GNG7: variants seen among roughly 807,000 people sequenced by gnomAD.
The protein encoded by GNG7 is guanine nucleotide-binding protein G(I)/G(S)/G(O) subunit gamma-7.
Under a neutral mutation model 4.0 loss-of-function variants are expected in GNG7, and 1 was observed. The observed-to-expected ratio is 0.25, with a 90% CI of 0.09 to 1.18. GNG7 has a LOEUF of 1.18. Among genes scored for constraint, GNG7 ranks in the 50% most tolerant of loss-of-function variants. The pLI, the probability that GNG7 is intolerant of heterozygous loss-of-function variation, is 0.50. For missense variants in GNG7, 86 were observed against 91.9 expected (o/e 0.94, Z 0.26); for synonymous variants, 34 against 36.9 (o/e 0.92, Z 0.29).
At chr19:2,679,117 A>C (rs969661223) in intron 1 of GNG7, among the ~76,000 whole-genome samples, 1 of 152,152 alleles carries the variant, frequency 6.6e-6, no homozygotes, top group African/African-American at 2.4e-5. Context: ...GTGCAATCAT[A>C]GCTCACTGCA....
At chr19:2,675,746 T>C (rs1983578509) in intron 1 of GNG7, among the ~76,000 whole-genome samples, 1 of 152,008 alleles carries the variant, frequency 6.6e-6, no homozygotes, top group Non-Finnish European at 1.5e-5. Flanking sequence ...GGGGAGCTCC[T>C]GGTATGGAGT....
At chr19:2,641,293 C>T (rs1211445481) in intron 2 of GNG7, among the ~76,000 whole-genome samples, 1 of 152,190 alleles carries the variant, frequency 6.6e-6, no homozygotes, top group Non-Finnish European at 1.5e-5. Context: ...AGCAGGCTCC[C>T]AGCGACAGCC....
At chr19:2,684,795 C>A (rs1450861465) in intron 1 of GNG7, among the ~76,000 whole-genome samples, 1 of 151,938 alleles carries the variant, frequency 6.6e-6, no homozygotes, top group Non-Finnish European at 1.5e-5. Flanking sequence ...TCACGACCAG[C>A]CTGGCCAACA....
chr19:2,554,241 T>A (rs115109200), intron 3 of GNG7, among the ~76,000 whole-genome samples: 5,223 of 148,514 alleles, frequency 0.035, 121 homozygotes, highest in African/African-American at 0.055. Flanking sequence ...AGTCCCATGG[T>A]GCAATCACAA....
At chr19:2,516,140 C>T (rs2144723710) in intron 4 of GNG7, among the ~76,000 whole-genome samples, 1 of 152,032 alleles carries the variant, frequency 6.6e-6, no homozygotes, top group East Asian at 1.9e-4. Flanking sequence ...TTGCTTGAGC[C>T]TGGGAGGTTA....
chr19:2,566,751 G>A (rs940023712), intron 2 of GNG7, among the ~76,000 whole-genome samples: 1 of 152,192 alleles, frequency 6.6e-6, no homozygotes, highest in Non-Finnish European at 1.5e-5. Flanking sequence ...AGGAGAGGCT[G>A]CTGTGGACGA....
chr19:2,619,095 C>G (rs185398986), intron 2 of GNG7, among the ~76,000 whole-genome samples: 51 of 152,312 alleles, frequency 3.3e-4, no homozygotes, highest in African/African-American at 1.1e-3. Context: ...TGAATGAATA[C>G]CTATTTGATT....
At chr19:2,628,965 G>C (rs1243391739) in intron 2 of GNG7, among the ~76,000 whole-genome samples, 1 of 152,210 alleles carries the variant, frequency 6.6e-6, no homozygotes, top group Non-Finnish European at 1.5e-5. Context: ...GATTAGATAA[G>C]ATGTGGGCAC....
At chr19:2,538,730 T>C in intron 3 of GNG7, 1 of 459,830 alleles carries the variant, frequency 2.2e-6, no homozygotes, top group Non-Finnish European at 4.4e-6. Flanking sequence ...GCATTGGAAG[T>C]GCTGATGGCT....
intron 2 of GNG7, among the ~76,000 whole-genome samples, chr19:2,572,480 G>A (rs1038707076): frequency 3.9e-5 from 6 of 151,968 alleles, no homozygotes; most frequent in South Asian, 2.1e-4. Context: ...TCGCCAGGCT[G>A]GAGTGCAGTG....
intron 2 of GNG7, among the ~76,000 whole-genome samples, chr19:2,577,289 C>T (rs1361282440): frequency 6.6e-6 from 1 of 152,200 alleles, no homozygotes; most frequent in Non-Finnish European, 1.5e-5. Context: ...GGGGCTGCGT[C>T]TCATCCAAGG....
At chr19:2,551,202 T>C (rs1201121454) in intron 3 of GNG7, among the ~76,000 whole-genome samples, 1 of 152,228 alleles carries the variant, frequency 6.6e-6, no homozygotes, top group East Asian at 1.9e-4. Context: ...GACCTCACCC[T>C]GGCCGTTTGA....
intron 1 of GNG7, among the ~76,000 whole-genome samples, chr19:2,671,185 C>A (rs1367485576): frequency 1.3e-5 from 2 of 152,112 alleles, no homozygotes; most frequent in East Asian, 3.9e-4. Context: ...AGCTGCCCCT[C>A]TCTTAACTGT....
At chr19:2,520,864 G>A (rs1224236662) in intron 3 of GNG7, 139 bp from the exon 4 acceptor site, 1 of 575,822 alleles carries the variant, frequency 1.7e-6, no homozygotes, top group African/African-American at 1.9e-5. Flanking sequence ...GGGCCTCCGT[G>A]TACAAAGAGC....
At chr19:2,518,439 A>G (rs1978293120) in intron 4 of GNG7, among the ~76,000 whole-genome samples, 1 of 152,146 alleles carries the variant, frequency 6.6e-6, no homozygotes, top group African/African-American at 2.4e-5. Flanking sequence ...CAGCAGTCAG[A>G]TTGCTGGAAC....
At chr19:2,657,364 AT>A (rs1983020403) in intron 1 of GNG7, among the ~76,000 whole-genome samples, 27 of 17,410 alleles carry the variant, frequency 1.6e-3, no homozygotes, top group South Asian at 4.8e-3. Context: ...AAAAAAAAAT[AT>A]ATATATATAT....
In GNG7 at chr19:2,673,276, AAC is replaced by A. The variant is rs1202809235; in HGVS notation, c.-134-26998_-134-26997del. Among the ~76,000 whole-genome samples, 106 of 149,210 alleles carry A rather than the reference AAC, an allele frequency of 7.1e-4. 1 individual carries two copies. The highest frequency in any genetic ancestry group is 1.3e-3 in the South Asian group (6 of 4,634). ...CCATCTCAAAAAAAAAACAAAACAA[AAC>A]AAAACAAAACAAAAAAAAACCCAGC... On this transcript the variant is annotated intron_variant, in intron 1 of 4. Coordinates refer to ENST00000382159, the MANE Select transcript of GNG7 (RefSeq NM_052847.3).
chr19:2,689,716 T>C (rs908404318), intron 1 of GNG7, among the ~76,000 whole-genome samples: 1 of 148,192 alleles, frequency 6.7e-6, no homozygotes, highest in Non-Finnish European at 1.5e-5. Context: ...TGAAATGACA[T>C]GACAAATGCT....
intron 1 of GNG7, among the ~76,000 whole-genome samples, chr19:2,697,744 C>T (rs1913302392): frequency 6.6e-6 from 1 of 151,766 alleles, no homozygotes; most frequent in Non-Finnish European, 1.5e-5. Context: ...GACCTAAGGT[C>T]AGGAGTTCGA....
Sources: gnomAD v4.1 joint callset for allele counts (sites outside exome capture counted in the v4.1 genomes callset) on GRCh38, gnomAD v4.1.1 for gene constraint, MANE v1.5 for transcripts, NCBI Gene and HGNC (gene_info 2026-07-23, HGNC 2026-07-21) for gene names.